The following SHANK2 variants were observed in gnomAD, a reference collection of about 807,000 sequenced individuals.
The protein encoded by SHANK2 is SH3 and multiple ankyrin repeat domains protein 2.
A neutral mutation model predicts 133.7 loss-of-function variants in SHANK2; 43 were observed. The ratio of observed to expected loss-of-function variants is 0.32; its 90% confidence interval spans 0.25 to 0.41. SHANK2 has a LOEUF of 0.41. SHANK2 is among the 10% of genes least tolerant of loss of function. The pLI is 1.00. For synonymous variants in SHANK2, 1,017 were observed against 952.8 expected (o/e 1.07, Z -1.24); for missense variants, 1,994 against 2,235.8 (o/e 0.89, Z 2.18).
intron 17 of SHANK2, 74 bp from the exon 18 acceptor site, chr11:70,503,005 G>A: frequency 1.3e-6 from 2 of 1,541,484 alleles, no homozygotes; most frequent in South Asian, 2.2e-5. Flanking sequence ...ACCCAAGGCA[G>A]AGACATGTGG....
chr11:70,607,857 A>G (rs770170438), intron 17 of SHANK2, among the ~76,000 whole-genome samples: 3 of 152,236 alleles, frequency 2.0e-5, no homozygotes, highest in Non-Finnish European at 4.4e-5. Flanking sequence ...GAAAGAGACC[A>G]CTGAGTATTC....
chr11:70,533,698 G>A (rs2059507821), intron 17 of SHANK2, among the ~76,000 whole-genome samples: 1 of 152,024 alleles, frequency 6.6e-6, no homozygotes, highest in Admixed American at 6.5e-5. Context: ...CGACTCCATG[G>A]CATTTAGTAC....
At chr11:70,773,994 TG>T (rs1202960423) in intron 14 of SHANK2, among the ~76,000 whole-genome samples, 1 of 152,060 alleles carries the variant, frequency 6.6e-6, no homozygotes, top group Non-Finnish European at 1.5e-5. Context: ...CCAAGAGAAG[TG>T]GAAACAGGTG....
chr11:70,903,550 G>A (rs1322962721), intron 10 of SHANK2, among the ~76,000 whole-genome samples: 1 of 152,044 alleles, frequency 6.6e-6, no homozygotes, highest in Non-Finnish European at 1.5e-5. Flanking sequence ...GAAAGACTGG[G>A]GACTCGATCC....
chr11:71,118,116 G>A (rs565849654), intron 4 of SHANK2, among the ~76,000 whole-genome samples: 27 of 152,214 alleles, frequency 1.8e-4, no homozygotes, highest in African/African-American at 6.3e-4. Context: ...GAAGCATGGG[G>A]AGCCCCGTTC....
At chr11:71,123,071 G>A (rs1171685947) in intron 3 of SHANK2, among the ~76,000 whole-genome samples, 6 of 152,072 alleles carry the variant, frequency 3.9e-5, no homozygotes, top group Admixed American at 3.3e-4. Flanking sequence ...CCCTCCATAC[G>A]TGATGGGAGC....
chr11:70,492,180 G>A (rs992434563), intron 22 of SHANK2, among the ~76,000 whole-genome samples, 155 bp downstream of exon 22: 1 of 152,200 alleles, frequency 6.6e-6, no homozygotes, highest in East Asian at 1.9e-4. Context: ...GCACAGACCC[G>A]GCTCTTTGTC....
At chr11:70,827,958 T>G (rs1703614151) in intron 11 of SHANK2, among the ~76,000 whole-genome samples, 2 of 152,226 alleles carry the variant, frequency 1.3e-5, no homozygotes, top group African/African-American at 4.8e-5. Flanking sequence ...TCACTGAGTG[T>G]ACGCCCTATA....
At chr11:71,210,232 ATATATATATATATATATATATT>A (rs1464348447) in intron 2 of SHANK2, among the ~76,000 whole-genome samples, 15 of 70,990 alleles carry the variant, frequency 2.1e-4, no homozygotes, top group Admixed American at 6.1e-4. Flanking sequence ...ATATATATAT[ATATATATATATATATATATATT>A]TATTTATTTT....
chr11:70,603,697 C>G (rs1370249746), intron 17 of SHANK2: 1 of 152,724 alleles, frequency 6.5e-6, no homozygotes, highest in Admixed American at 6.5e-5. Flanking sequence ...GCTCCCCACT[C>G]CCAACAGCCT....
chr11:71,212,149 T>C (rs1954295583), intron 2 of SHANK2, among the ~76,000 whole-genome samples: 1 of 152,222 alleles, frequency 6.6e-6, no homozygotes, highest in South Asian at 2.1e-4. Context: ...TCCATCTTTC[T>C]CTTCTTGCCC....
intron 14 of SHANK2, among the ~76,000 whole-genome samples, chr11:70,762,444 T>C (rs1372945127): frequency 6.6e-6 from 1 of 151,782 alleles, no homozygotes; most frequent in Non-Finnish European, 1.5e-5. Context: ...CTCTTTTGAG[T>C]CTGTATTCTG....
chr11:71,142,777 G>A (rs1381581343), intron 3 of SHANK2, among the ~76,000 whole-genome samples: 4 of 151,206 alleles, frequency 2.6e-5, no homozygotes, highest in Admixed American at 2.6e-4. Flanking sequence ...ACTTCCTGGT[G>A]TAGCAACGGA....
chr11:70,570,059 C>T (rs1265757538), intron 17 of SHANK2, among the ~76,000 whole-genome samples: 1 of 152,164 alleles, frequency 6.6e-6, no homozygotes, highest in Non-Finnish European at 1.5e-5. Context: ...TTGAGCTGTT[C>T]GGTTGGGCCT....
chr11:70,670,431 A>G (rs1555015789), intron 15 of SHANK2, among the ~76,000 whole-genome samples: 2 of 152,184 alleles, frequency 1.3e-5, no homozygotes, highest in Non-Finnish European at 2.9e-5. Context: ...CTCAGCGGAG[A>G]TGCCAGCTCG....
At chr11:70,699,713 T>G (rs1410854522) in intron 14 of SHANK2, among the ~76,000 whole-genome samples, 1 of 152,250 alleles carries the variant, frequency 6.6e-6, no homozygotes, top group East Asian at 1.9e-4. Flanking sequence ...ACACCTTTCA[T>G]GTGCCCAGAG....
At chr11:70,600,240 G>A (rs1213427500) in intron 17 of SHANK2, among the ~76,000 whole-genome samples, 2 of 151,850 alleles carry the variant, frequency 1.3e-5, no homozygotes. Flanking sequence ...ACAACATGGC[G>A]AAACCCTGTC....
At chr11:70,652,906 T>G (rs1424743187) in intron 17 of SHANK2, among the ~76,000 whole-genome samples, 2 of 152,180 alleles carry the variant, frequency 1.3e-5, no homozygotes, top group Non-Finnish European at 2.9e-5. Context: ...ACCCATTTTA[T>G]CAACACGAAT....
At chr11:70,722,943 G>C (rs1946100626) in intron 14 of SHANK2, among the ~76,000 whole-genome samples, 1 of 152,196 alleles carries the variant, frequency 6.6e-6, no homozygotes, top group Non-Finnish European at 1.5e-5. Context: ...AACCTACTTT[G>C]TTAGATAAAA....
Sources: gnomAD v4.1 joint callset for allele counts (sites outside exome capture counted in the v4.1 genomes callset) on GRCh38, gnomAD v4.1.1 for gene constraint, MANE v1.5 for transcripts, NCBI Gene and HGNC (gene_info 2026-07-23, HGNC 2026-07-21) for gene names.